Variants in DTNA observed in about 807,000 individuals in gnomAD.
The protein encoded by DTNA is dystrobrevin alpha.
A neutral mutation model predicts 100.7 loss-of-function variants in DTNA; 43 were observed. That is an observed-to-expected ratio of 0.43 (90% CI 0.33 to 0.55). The LOEUF (loss-of-function observed/expected upper bound fraction) is 0.55, where lower values mean the gene tolerates loss of function less well. Among genes scored for constraint, DTNA ranks in the 20% least tolerant of loss-of-function variants. The pLI, the probability that DTNA is intolerant of heterozygous loss-of-function variation, is 0.04. For missense variants in DTNA, 798 were observed against 953.9 expected, an observed-to-expected ratio of 0.84 and a Z score of 2.15; for synonymous variants, 349 against 347.9, an observed-to-expected ratio of 1.00 and a Z score of -0.04.
chr18:34,695,147 T>G lies in DTNA; in HGVS notation c.-1-60829T>G, dbSNP rs181031924. Reference sequence around the variant, plus strand: ...TTCTCCCTCCGTACAGTGCTAGAAGTGAAAGGACCTATGTAGCAGGACTTG... The same window carrying G: ...TTCTCCCTCCGTACAGTGCTAGAAGGGAAAGGACCTATGTAGCAGGACTTG... On this transcript the variant is annotated intron_variant, in intron 1 of 19. Transcript: ENST00000283365. Among the ~76,000 whole-genome samples the G allele has an allele frequency of 1.1e-3, 161 of 152,264 alleles. 1 individual carries two copies. Among genetic ancestry groups the G allele is most frequent in the Admixed American group, 9.9e-3 (152 of 15,288 alleles).
At chr18:34,746,711 A>G (rs745338081) in intron 1 of DTNA, among the ~76,000 whole-genome samples, 1 of 152,146 alleles carries the variant, frequency 6.6e-6, no homozygotes, top group African/African-American at 2.4e-5. Context: ...AGACACTCTA[A>G]TAACTTTGAA....
chr18:34,734,194 A>T (rs539386439), intron 1 of DTNA, among the ~76,000 whole-genome samples: 1 of 152,108 alleles, frequency 6.6e-6, no homozygotes, highest in Non-Finnish European at 1.5e-5. Context: ...GAGAATCAAC[A>T]TTATCTTGCT....
At chr18:34,681,200 C>T (rs926468665) in intron 1 of DTNA, among the ~76,000 whole-genome samples, 3 of 152,012 alleles carry the variant, frequency 2.0e-5, no homozygotes, top group African/African-American at 4.8e-5. Flanking sequence ...TTGATTGAAT[C>T]GTAACTAATC....
intron 1 of DTNA, among the ~76,000 whole-genome samples, chr18:34,749,551 T>C (rs1430784002): frequency 6.6e-6 from 1 of 151,946 alleles, no homozygotes; most frequent in Non-Finnish European, 1.5e-5. Flanking sequence ...AGAACTACTA[T>C]GCTGGACACT....
At chr18:34,706,042 G>A (rs1335537320), upstream of DTNA, among the ~76,000 whole-genome samples, 1 of 152,136 alleles carries the variant, frequency 6.6e-6, no homozygotes, top group Admixed American at 6.5e-5. Flanking sequence ...CCGCCTCCCA[G>A]GTACAAGCGA....
chr18:34,563,636 A>G (rs1236823426), intron 1 of DTNA, among the ~76,000 whole-genome samples: 5 of 152,148 alleles, frequency 3.3e-5, no homozygotes, highest in Non-Finnish European at 7.4e-5. Flanking sequence ...CTCTTCTGCT[A>G]TATCCACCCC....
chr18:34,624,911 T>C (rs184696596), intron 1 of DTNA, among the ~76,000 whole-genome samples: 1 of 152,330 alleles, frequency 6.6e-6, no homozygotes, highest in Non-Finnish European at 1.5e-5. Context: ...TCACCGAGGC[T>C]TGAGTGGAAT....
At chr18:34,743,766 A>G (rs756115425) in intron 1 of DTNA, among the ~76,000 whole-genome samples, 1 of 152,180 alleles carries the variant, frequency 6.6e-6, no homozygotes, top group Non-Finnish European at 1.5e-5. Flanking sequence ...TTTTTAATAG[A>G]CATACTCTAT....
At chr18:34,624,354 T>C (rs1310856110) in intron 1 of DTNA, among the ~76,000 whole-genome samples, 2 of 152,222 alleles carry the variant, frequency 1.3e-5, no homozygotes, top group Admixed American at 6.5e-5. Context: ...TATTAACATT[T>C]CTATAGAAAG....
At chr18:34,760,464 C>A (rs2093073203) in intron 2 of DTNA, among the ~76,000 whole-genome samples, 1 of 152,200 alleles carries the variant, frequency 6.6e-6, no homozygotes, top group South Asian at 2.1e-4. Flanking sequence ...AAACAACTCT[C>A]ATTTCTCATG....
chr18:34,741,097 A>G (rs2090567187), intron 1 of DTNA, among the ~76,000 whole-genome samples: 1 of 152,196 alleles, frequency 6.6e-6, no homozygotes, highest in Non-Finnish European at 1.5e-5. Flanking sequence ...ATCGTATTGT[A>G]TATCACTTTG....
chr18:34,703,291 G>A, intron 1 of DTNA, among the ~76,000 whole-genome samples: 1 of 152,172 alleles, frequency 6.6e-6, no homozygotes, highest in South Asian at 2.1e-4. Flanking sequence ...GAATGTTAAT[G>A]TCTTCCTAAC....
intron 15 of DTNA, among the ~76,000 whole-genome samples, chr18:34,854,899 C>T (rs577393568): frequency 1.3e-5 from 2 of 152,280 alleles, no homozygotes; most frequent in East Asian, 3.9e-4. Flanking sequence ...TTCATTTCAT[C>T]CTCAGAACAA....
intron 1 of DTNA, chr18:34,493,948 C>A (rs1259203475): frequency 6.8e-6 from 1 of 147,222 alleles, no homozygotes; most frequent in East Asian, 2.0e-4. Flanking sequence ...GGGCGGCGGG[C>A]GGCGCCTCAG....
intron 1 of DTNA, among the ~76,000 whole-genome samples, chr18:34,753,723 C>T (rs1389019812): frequency 6.6e-6 from 1 of 152,174 alleles, no homozygotes; most frequent in Non-Finnish European, 1.5e-5. Context: ...CATTCTAACA[C>T]ACAGATCCAG....
intron 1 of DTNA, among the ~76,000 whole-genome samples, chr18:34,715,533 G>T (rs2083863172): frequency 6.6e-6 from 1 of 151,640 alleles, no homozygotes; most frequent in African/African-American, 2.4e-5. Flanking sequence ...TGTTAATTTT[G>T]ATTTGTTTGG....
At chr18:34,647,205 A>G (rs2059948088) in intron 1 of DTNA, among the ~76,000 whole-genome samples, 1 of 152,122 alleles carries the variant, frequency 6.6e-6, no homozygotes, top group South Asian at 2.1e-4. Context: ...TTACATTATT[A>G]GAAAAGCCAC....
chr18:34,806,627 C>G (rs768625341), intron 5 of DTNA, among the ~76,000 whole-genome samples: 1 of 152,150 alleles, frequency 6.6e-6, no homozygotes, highest in Non-Finnish European at 1.5e-5. Flanking sequence ...ATGATAGGCA[C>G]GTGAAGGCTT....
chr18:34,883,052 G>A (rs139555462), intron 21 of DTNA, among the ~76,000 whole-genome samples: 162 of 152,282 alleles, frequency 1.1e-3, no homozygotes, highest in Non-Finnish European at 1.9e-3. Context: ...CACTGAACAT[G>A]ACATATACAA....
Sources: allele counts gnomAD v4.1 joint callset (sites outside exome capture counted in the v4.1 genomes callset), GRCh38; gene constraint gnomAD v4.1.1; transcripts MANE v1.5; gene names NCBI Gene and HGNC (gene_info 2026-07-23, HGNC 2026-07-21).